The following AHNAK2 variants were observed in gnomAD, a reference collection of about 807,000 sequenced individuals.
AHNAK2 encodes protein AHNAK2.
AHNAK2 carries 18 observed loss-of-function variants against 30.7 expected under a neutral mutation model. The observed-to-expected ratio is 0.59, with a 90% confidence interval of 0.41 to 0.87. The LOEUF (loss-of-function observed/expected upper bound fraction) is 0.87. Ranked by LOEUF, AHNAK2 falls within the 40% of genes least tolerant of loss-of-function variation. The probability of loss-of-function intolerance (pLI) is 0.00; values close to 1 mark genes in which losing one functional copy is unlikely to be tolerated. For synonymous variants in AHNAK2, 3,590 were observed against 3,073.8 expected (o/e 1.17, Z -5.56); for missense variants, 8,604 against 7,373.0 (o/e 1.17, Z -6.11).
chr14:104,955,305 A>G (rs1350165094), intron 5 of AHNAK2, 164 bp from the exon 6 acceptor site: 1 of 1,276,342 alleles, frequency 7.8e-7, no homozygotes, highest in African/African-American at 1.5e-5. Context: ...GGCAAGGTGG[A>G]TGGGGTCCCC....
chr14:104,950,671 G>T lies in AHNAK2; in HGVS notation c.4780C>A (p.Pro1594Thr). 6.3e-7 allele frequency: 1 copy of T among 1,587,056 alleles called. No individual in the cohort carries two copies. Among genetic ancestry groups the T allele is most frequent in the South Asian group, 1.1e-5 (1 of 89,780 alleles). Reference sequence around the variant, plus strand: ...TTGGGGCCCTTAACATCTATCTGGGGCCCCTTGAGGTCCACTTTGGGCATC... The same window carrying T: ...TTGGGGCCCTTAACATCTATCTGGGTCCCCTTGAGGTCCACTTTGGGCATC... ...FKMPKVDLKG[P>T]QIDVKGPKLD... is the part of the protein sequence containing the mutation. The change falls in exon 7 of 7, where the codon CCC becomes ACC. Residue 1594 changes from proline (P) to threonine (T), a missense_variant. By Grantham distance (38) the Pro-to-Thr change is conservative. Transcript: ENST00000333244.
At position 104,950,470 on chromosome 14, in the gene AHNAK2, G is replaced by T. The variant is rs545078488; in HGVS notation, c.4981C>A (p.Pro1661Thr). The T allele has an allele frequency of 6.9e-5, 110 of 1,586,664 alleles. 9 individuals carry two copies. The South Asian group carries it at 1.1e-3, about 16-fold the overall frequency. ...CCAAATGATGGCATCTTGAACTTGG[G>T]CATTTTGAACTTGCTGTCTTTGGCA... ...VTAKDSKFKM[P>T]KFKMPSFGVS... Residue 1661 changes from proline (P) to threonine (T), a missense_variant, in exon 7 of 7, where the codon CCC becomes ACC. By Grantham distance (38) the Pro-to-Thr change is conservative. Transcript: ENST00000333244.
Position 104,966,599 on chromosome 14 carries a change from GGC to G in AHNAK2, c.56-8929_56-8928del, listed in dbSNP as rs1899308208. On this transcript the variant is annotated intron_variant, in intron 1 of 6. Coordinates refer to ENST00000333244, the MANE Select transcript of AHNAK2 (RefSeq NM_138420.4). This position sits in a 1 kb window ranked among gnomAD's most constrained non-coding sequence, Gnocchi z 4.3. Reference sequence around the variant, plus strand: ...AGCCCCACCGCTCTGCCTCCCAGATGGCTGCCAAACCCTCCACTCCTTGCCCA... The same window carrying G: ...AGCCCCACCGCTCTGCCTCCCAGATGTGCCAAACCCTCCACTCCTTGCCCA... 1.3e-5 allele frequency among the ~76,000 whole-genome samples: 2 copies of G among 151,808 alleles called. No homozygotes were observed. Among genetic ancestry groups the G allele is most frequent in the South Asian group, 2.1e-4 (1 of 4,794 alleles).
Position 104,950,181 on chromosome 14 carries a change from T to C in AHNAK2, c.5270A>G (p.Lys1757Arg). 6.3e-7 allele frequency: 1 copy of C among 1,586,042 alleles called. No individual in the cohort carries two copies. Among genetic ancestry groups the C allele is most frequent in the Middle Eastern group, 1.7e-4 (1 of 6,004 alleles). The change falls in exon 7 of 7, where the codon AAG (lysine) becomes AGG (arginine). Residue 1757 changes from lysine (K) to arginine (R), a missense_variant. Coordinates refer to ENST00000333244, the MANE Select transcript of AHNAK2 (RefSeq NM_138420.4). ...GCCCTTGACGTCCATCTGGGGGCCCTTGAGGGCCACTTTGGGCATCTTCAA... is the reference window on the plus strand; with the variant it reads ...GCCCTTGACGTCCATCTGGGGGCCCCTGAGGGCCACTTTGGGCATCTTCAA... ...PSLKMPKVAL[K>R]GPQMDVKGPK...
rs1899300632 is a variant in AHNAK2 at position 104,966,288 on chromosome 14, C to G, written c.56-8616G>C. 6.6e-6 allele frequency among the ~76,000 whole-genome samples: 1 copy of G among 152,096 alleles called. No individual in the cohort carries two copies. The highest frequency in any genetic ancestry group is 1.5e-5 in the Non-Finnish European group (1 of 68,002). On this transcript the variant is annotated intron_variant, in intron 1 of 6. Coordinates refer to ENST00000333244, the MANE Select transcript of AHNAK2 (RefSeq NM_138420.4). This position sits in a 1 kb window ranked among gnomAD's most constrained non-coding sequence, Gnocchi z 4.3. Reference sequence around the variant, plus strand: ...ACCCCTGGCCTCCATAACCCCCCAGCAGAGCCACAACCTCCGTTTCCCCCA... The same window carrying G: ...ACCCCTGGCCTCCATAACCCCCCAGGAGAGCCACAACCTCCGTTTCCCCCA...
rs112312376 is a variant in AHNAK2 at position 104,968,278 on chromosome 14, G to A, written c.55+9905C>T. Among the ~76,000 whole-genome samples the A allele has an allele frequency of 1.4e-3, 209 of 152,328 alleles. 1 individual carries two copies. The highest frequency in any genetic ancestry group is 6.8e-3 in the Middle Eastern group (2 of 294). ...TGGGGGTGGTACCACAGTGAAAGCC[G>A]CAGAGGACACCCACCCTGGCCCAGA... On this transcript the variant is annotated intron_variant, in intron 1 of 6. Transcript: ENST00000333244.
rs1400748681 is a variant in AHNAK2 at position 104,941,821 on chromosome 14, C to G, written c.13630G>C (p.Gly4544Arg). 1 of 1,613,204 alleles carries G rather than the reference C, an allele frequency of 6.2e-7. No individual in the cohort carries two copies. The highest frequency in any genetic ancestry group is 8.5e-7 in the Non-Finnish European group (1 of 1,179,648). ...GGCATCTCCACCTTGGGCAGGTGCC[C>G]TTTGAGGCCGGCTACCTCGGGCATG... Reference protein sequence around the residue: ...GHMPEVAGLKGHLPKVEMPSF... With the variant: ...GHMPEVAGLKRHLPKVEMPSF... The change falls in exon 7 of 7, where the codon GGG becomes CGG. Residue 4544 changes from glycine (G) to arginine (R), a missense_variant. By Grantham distance (125) the Gly-to-Arg change is moderately radical (BLOSUM62 -2). Coordinates refer to ENST00000333244, the MANE Select transcript of AHNAK2 (RefSeq NM_138420.4).
In AHNAK2 at chr14:104,943,714, G is replaced by A; in HGVS notation, c.11737C>T (p.Leu3913=). ...TCCACCTTGGGGTCTTTTAGGTCCA[G>A]CTTGGGGCCCTTGATGTCTATTTCA... The part of the protein sequence containing the change: ...GPEIDIKGPK[L]DLKDPKVEVT... Residue 3913 remains leucine (L), a synonymous_variant, in exon 7 of 7, where the codon CTG becomes TTG. Transcript: ENST00000333244. The A allele has an allele frequency of 6.2e-7, 1 of 1,612,908 alleles. No individual in the cohort carries two copies. The highest frequency in any genetic ancestry group is 8.5e-7 in the Non-Finnish European group (1 of 1,179,518).
In AHNAK2 at chr14:104,950,153, G is replaced by A. The variant is rs1429162425; in HGVS notation, c.5298C>T (p.Pro1766=). The A allele has an allele frequency of 3.8e-6, 6 of 1,586,184 alleles. 1 individual carries two copies. In the South Asian group the frequency reaches 5.6e-5, roughly 15 times the overall value. The change falls in exon 7 of 7, where the codon CCC becomes CCT. Residue 1766 remains proline (P), a synonymous_variant. Transcript: ENST00000333244. ...LKGPQMDVKG[P]KLDLKGPKAE... is the part of the protein sequence containing the mutation. Reference sequence around the variant, plus strand: ...CCTTGGGGCCTTTCAGGTCCAGCTTGGGGCCCTTGACGTCCATCTGGGGGC... The same window carrying A: ...CCTTGGGGCCTTTCAGGTCCAGCTTAGGGCCCTTGACGTCCATCTGGGGGC...
chr14:104,957,335 CAT>C, intron 3 of AHNAK2, 73 bp downstream of exon 3: 1 of 1,365,324 alleles, frequency 7.3e-7, no homozygotes. Context: ...GTTGAACAGA[CAT>C]GCGTGAGTTG....
rs1197512465 is a variant in AHNAK2, at chr14:104,945,716, C to G, written c.9735G>C (p.Gln3245His). Residue 3245 changes from glutamine to histidine, a missense_variant, in exon 7 of 7, where the codon CAG (glutamine) becomes CAC (histidine). Transcript: ENST00000333244. ...CCAGCTTGGGGCCCTTGATGTCTATCTGGGGGCCCTTGCGATCTACTTTGG... is the reference window on the plus strand; with the variant it reads ...CCAGCTTGGGGCCCTTGATGTCTATGTGGGGGCCCTTGCGATCTACTTTGG... ...KMPKVDRKGP[Q>H]IDIKGPKLDL... 1 of 1,601,742 alleles carries G rather than the reference C, an allele frequency of 6.2e-7. No homozygotes were observed. The highest frequency in any genetic ancestry group is 2.2e-5 in the East Asian group (1 of 44,692).
intron 4 of AHNAK2, 127 bp from the exon 5 acceptor site, chr14:104,955,760 A>G (rs1898954842): frequency 7.7e-7 from 1 of 1,305,352 alleles, no homozygotes; most frequent in Non-Finnish European, 1.0e-6. Flanking sequence ...GACAACACAG[A>G]GCAGAGTAGG....
In AHNAK2 at chr14:104,941,740, G is replaced by A. The variant is rs747542243; in HGVS notation, c.13711C>T (p.Pro4571Ser). 3 of 1,613,746 alleles carry A rather than the reference G, an allele frequency of 1.9e-6. No homozygotes were observed. The South Asian group carries it at 3.3e-5, about 18-fold the overall frequency. ...LKGPQVDVKG[P>S]KLDLKGPKAE... ...TTTGGGCCTTTCAGGTCCAGCTTGG[G>A]GCCCTTGACGTCCACCTGGGGGCCC... is the stretch of plus-strand genomic sequence containing the variant. The change falls in exon 7 of 7, where the codon CCC becomes TCC. Residue 4571 changes from proline (P) to serine (S), a missense_variant. Coordinates refer to ENST00000333244, the MANE Select transcript of AHNAK2 (RefSeq NM_138420.4).
chr14:104,955,663 G>T lies in AHNAK2; in HGVS notation c.316-30C>A. 1.9e-6 allele frequency: 3 copies of T among 1,605,860 alleles called. 1 individual carries two copies. In the African/African-American group the frequency reaches 4.0e-5, roughly 21 times the overall value. On this transcript the variant is annotated intron_variant, in intron 4 of 6. Coordinates refer to ENST00000333244, the MANE Select transcript of AHNAK2 (RefSeq NM_138420.4). ...AGCAGAAGCACATCAGGGCCATGGTGAGCATGTGCCAGTCCCACCATAAGC... is the reference window on the plus strand; with the variant it reads ...AGCAGAAGCACATCAGGGCCATGGTTAGCATGTGCCAGTCCCACCATAAGC...
Position 104,937,935 on chromosome 14 carries a change from T to A in AHNAK2, c.*128A>T, listed in dbSNP as rs1897853844. 4 of 1,022,366 alleles carry A rather than the reference T, an allele frequency of 3.9e-6. No individual in the cohort carries two copies. The highest frequency in any genetic ancestry group is 2.8e-5 in the Admixed American group (1 of 35,338). The allele number at this position is 1,022,366 out of a possible 1,614,324, so 63.3% of individuals were successfully genotyped here. A position where few individuals can be genotyped will look rare whatever the true frequency, so the allele number is the denominator to read the frequency against. On this transcript the variant is annotated 3_prime_UTR_variant, in exon 7 of 7. Transcript: ENST00000333244. ...ACAAAGGTGTTCTGGTCATTTCTGC[T>A]CTGTTCTCCGTTCTGTGAAGTGAGG... is the stretch of plus-strand genomic sequence containing the variant.
chr14:104,949,517 G>A lies in AHNAK2; in HGVS notation c.5934C>T (p.Asp1978=), dbSNP rs1422708025. The A allele has an allele frequency of 1.3e-6, 2 of 1,588,158 alleles. No individual in the cohort carries two copies. The highest frequency in any genetic ancestry group is 2.2e-5 in the East Asian group (1 of 44,650). Residue 1978 remains aspartate (D), a synonymous_variant, in exon 7 of 7, where the codon GAC becomes GAT. Coordinates refer to ENST00000333244, the MANE Select transcript of AHNAK2 (RefSeq NM_138420.4). ...TGCTGTCTTTGGCAGTCATGTCCTT[G>A]TCGGCCAGGGACAGGTCTCCCTCCA... The part of the protein sequence containing the change: ...ARLEGDLSLA[D]KDMTAKDSKF...
At chr14:104,965,220 G>C (rs1459402418) in intron 1 of AHNAK2, among the ~76,000 whole-genome samples, 2 of 151,908 alleles carry the variant, frequency 1.3e-5, no homozygotes, top group African/African-American at 4.8e-5. Flanking sequence ...AATCAACATG[G>C]TGAAACCCCA....
chr14:104,977,456 C>A (rs980211775), intron 1 of AHNAK2, among the ~76,000 whole-genome samples: 24 of 152,332 alleles, frequency 1.6e-4, no homozygotes, highest in African/African-American at 5.5e-4. Flanking sequence ...TCCCTGGGGG[C>A]ATGCCAGTAG....
chr14:104,943,283 C>A lies in AHNAK2; in HGVS notation c.12168G>T (p.Met4056Ile). ...CCACTTTGGGCATCTTGAAACTGGG[C>A]ATCTGCACCTTGGGCAGGTGCCCTT... ...SLKGHLPKVQ[M>I]PSFKMPKVDL... Residue 4056 changes from methionine to isoleucine, a missense_variant, in exon 7 of 7, where the codon ATG (methionine) becomes ATT (isoleucine). Physicochemically the swap from Met to Ile is conservative, Grantham distance 10. Coordinates refer to ENST00000333244, the MANE Select transcript of AHNAK2 (RefSeq NM_138420.4). 5 of 1,613,036 alleles carry A rather than the reference C, an allele frequency of 3.1e-6. No homozygotes were observed. The highest frequency in any genetic ancestry group is 4.2e-6 in the Non-Finnish European group (5 of 1,179,612).
Sources: gnomAD v4.1 joint callset for allele counts (sites outside exome capture counted in the v4.1 genomes callset) on GRCh38, gnomAD v4.1.1 for gene constraint, Gnocchi (gnomAD v3.1) non-coding constraint, MANE v1.5 for transcripts, NCBI Gene and HGNC (gene_info 2026-07-23, HGNC 2026-07-21) for gene names.